PPP1R14C: variants seen among roughly 807,000 people sequenced by gnomAD.
PPP1R14C encodes protein phosphatase 1 regulatory inhibitor subunit 14C.
Under a neutral mutation model 20.4 loss-of-function variants are expected in PPP1R14C, and 16 were observed. That is an observed-to-expected ratio of 0.78 (90% confidence interval 0.53 to 1.19). The LOEUF is 1.19. Among genes scored for constraint, PPP1R14C ranks in the 50% most tolerant of loss-of-function variants. The pLI, the probability that PPP1R14C is intolerant of heterozygous loss-of-function variation, is 0.00. For synonymous variants in PPP1R14C, 91 were observed against 91.0 expected (o/e 1.00, Z 0.00); for missense variants, 211 against 220.1 (o/e 0.96, Z 0.26).
chr6:150,206,506 G>T (rs117134378), intron 1 of PPP1R14C, among the ~76,000 whole-genome samples: 1 of 152,274 alleles, frequency 6.6e-6, no homozygotes, highest in East Asian at 1.9e-4. Context: ...CCCGTGATGT[G>T]CATCTTCATG....
At chr6:150,238,425 G>T (rs1778389387) in intron 3 of PPP1R14C, among the ~76,000 whole-genome samples, 1 of 152,268 alleles carries the variant, frequency 6.6e-6, no homozygotes, top group African/African-American at 2.4e-5. Context: ...CCCTTCCAGA[G>T]CAGTCATTTC....
intron 1 of PPP1R14C, among the ~76,000 whole-genome samples, chr6:150,159,608 C>A (rs1267367803): frequency 1.6e-5 from 2 of 121,524 alleles, no homozygotes; most frequent in Non-Finnish European, 3.3e-5. Context: ...TCTGTCTCTG[C>A]CAGGCATTCT....
Position 150,194,678 on chromosome 6 carries a change from G to C in PPP1R14C, c.307-20066G>C, listed in dbSNP as rs1777782185. 5 of 985,264 alleles carry C rather than the reference G, an allele frequency of 5.1e-6. No individual in the cohort carries two copies. In the South Asian group the frequency reaches 1.4e-4, roughly 28 times the overall value. 61.0% of individuals were successfully genotyped at this position (985,264 alleles called of 1,614,324 possible). ...CCTCGCCTTTAGCACAAACAGTTCT[G>C]TCCTTGGTGAATCTGATAAAATGAT... On this transcript the variant is annotated intron_variant, in intron 1 of 3. Transcript: ENST00000361131.
intron 1 of PPP1R14C, among the ~76,000 whole-genome samples, chr6:150,206,281 C>A (rs754457269): frequency 2.0e-5 from 3 of 152,162 alleles, no homozygotes; most frequent in African/African-American, 4.8e-5. Flanking sequence ...TGCCACTGTA[C>A]GTATTGTACT....
At chr6:150,169,898 A>G (rs1452403619) in intron 1 of PPP1R14C, among the ~76,000 whole-genome samples, 1 of 152,180 alleles carries the variant, frequency 6.6e-6, no homozygotes, top group Non-Finnish European at 1.5e-5. Flanking sequence ...TTTCAACATG[A>G]CTTACTCTGC....
At chr6:150,150,389 G>A (rs1340179673) in intron 1 of PPP1R14C, among the ~76,000 whole-genome samples, 1 of 151,968 alleles carries the variant, frequency 6.6e-6, no homozygotes, top group East Asian at 1.9e-4. Context: ...CTTTTCCTTT[G>A]CTCCTAACGT....
chr6:150,225,979 A>G (rs1200639355), intron 3 of PPP1R14C, among the ~76,000 whole-genome samples: 2 of 152,192 alleles, frequency 1.3e-5, no homozygotes, highest in African/African-American at 4.8e-5. Flanking sequence ...CAGAAGTGAT[A>G]TTGTTTTTGG....
intron 1 of PPP1R14C, among the ~76,000 whole-genome samples, chr6:150,203,253 G>C (rs1408552010): frequency 6.6e-6 from 1 of 152,172 alleles, no homozygotes; most frequent in Non-Finnish European, 1.5e-5. Context: ...AATCCCTGAT[G>C]GTTTTACTAT....
chr6:150,241,844 GC>G (rs1308918650), intron 3 of PPP1R14C, among the ~76,000 whole-genome samples: 2 of 152,116 alleles, frequency 1.3e-5, no homozygotes, highest in African/African-American at 4.8e-5. Flanking sequence ...CCGAGATCAT[GC>G]CATTGCACTC....
intron 3 of PPP1R14C, among the ~76,000 whole-genome samples, chr6:150,239,033 C>A (rs1452948300): frequency 6.6e-6 from 1 of 152,116 alleles, no homozygotes; most frequent in Non-Finnish European, 1.5e-5. Context: ...TTGATCCTCA[C>A]CCATCCTATT....
At chr6:150,168,591 T>A (rs1777463749) in intron 1 of PPP1R14C, among the ~76,000 whole-genome samples, 1 of 134,316 alleles carries the variant, frequency 7.4e-6, no homozygotes, top group Non-Finnish European at 1.7e-5. Flanking sequence ...AGCAGCCCAG[T>A]TTCCTTAGTG....
intron 3 of PPP1R14C, among the ~76,000 whole-genome samples, chr6:150,230,318 A>G (rs1235057185): frequency 6.6e-6 from 1 of 152,158 alleles, no homozygotes; most frequent in Non-Finnish European, 1.5e-5. Flanking sequence ...GCTTCACAGG[A>G]AACTCACCAT....
chr6:150,143,325 G>A lies in PPP1R14C; in HGVS notation c.133G>A (p.Glu45Lys). The A allele has an allele frequency of 6.2e-7, 1 of 1,601,488 alleles. No homozygotes were observed. The highest frequency in any genetic ancestry group is 1.1e-5 in the South Asian group (1 of 89,390). Residue 45 changes from glutamate to lysine, a missense_variant, in exon 1 of 4, where the codon GAG becomes AAG. By Grantham distance (56) the Glu-to-Lys change is moderately conservative. Coordinates refer to ENST00000361131, the MANE Select transcript of PPP1R14C (RefSeq NM_030949.3). The surrounding 1 kb of genome is among the most constrained non-coding windows in gnomAD (Gnocchi z 5.6). Reference sequence around the variant, plus strand: ...CAGCAGCGGCTCAGGCTCCTCCCGGGAGGACTCGGCGCCCGTGGCCACGGC... The same window carrying A: ...CAGCAGCGGCTCAGGCTCCTCCCGGAAGGACTCGGCGCCCGTGGCCACGGC... ...GSSSGSGSSR[E>K]DSAPVATAAA... is the part of the protein sequence containing the mutation.
intron 1 of PPP1R14C, among the ~76,000 whole-genome samples, chr6:150,168,424 T>G (rs1055076432): frequency 2.0e-5 from 3 of 151,876 alleles, no homozygotes; most frequent in African/African-American, 7.3e-5. Context: ...TCCCAGCTAC[T>G]TGGGAGGCTG....
chr6:150,228,060 T>A (rs1233779727), intron 3 of PPP1R14C, among the ~76,000 whole-genome samples: 1 of 152,220 alleles, frequency 6.6e-6, no homozygotes, highest in African/African-American at 2.4e-5. Flanking sequence ...CTTCACTGCC[T>A]TTTCCTGAAT....
At chr6:150,164,556 T>A (rs9371336) in intron 1 of PPP1R14C, 1 of 159,186 alleles carries the variant, frequency 6.3e-6, no homozygotes, top group South Asian at 1.8e-4. Context: ...TTTTTATGTG[T>A]GGTATAATGT....
chr6:150,242,514 C>A (rs1778444976), intron 3 of PPP1R14C, among the ~76,000 whole-genome samples: 1 of 152,192 alleles, frequency 6.6e-6, no homozygotes, highest in African/African-American at 2.4e-5. Flanking sequence ...AAAACCCAGC[C>A]TCTATTGCTG....
intron 3 of PPP1R14C, among the ~76,000 whole-genome samples, chr6:150,233,534 G>A (rs1242026950): frequency 6.6e-6 from 1 of 152,092 alleles, no homozygotes; most frequent in Non-Finnish European, 1.5e-5. Flanking sequence ...TTGATAATTA[G>A]TCACCCCGTT....
In PPP1R14C at chr6:150,181,103, G is replaced by C. The variant is rs1373220454; in HGVS notation, c.307-33641G>C. Among the ~76,000 whole-genome samples the C allele has an allele frequency of 2.6e-5, 4 of 152,264 alleles. 1 individual carries two copies. Among genetic ancestry groups the C allele is most frequent in the Middle Eastern group, 3.4e-3 (1 of 294 alleles). On this transcript the variant is annotated intron_variant, in intron 1 of 3. Transcript: ENST00000361131. ...TAGTGGAGCTGCCTTTGGAAGTGTGGTATTTATCCCCGCTTTAGTCTGTCT... is the reference window on the plus strand; with the variant it reads ...TAGTGGAGCTGCCTTTGGAAGTGTGCTATTTATCCCCGCTTTAGTCTGTCT...
Sources: gnomAD v4.1 joint callset for allele counts (sites outside exome capture counted in the v4.1 genomes callset) on GRCh38, gnomAD v4.1.1 for gene constraint, Gnocchi (gnomAD v3.1) non-coding constraint, MANE v1.5 for transcripts, NCBI Gene and HGNC (gene_info 2026-07-23, HGNC 2026-07-21) for gene names.